The following PLXNA4 variants were observed in gnomAD, a reference collection of about 807,000 sequenced individuals.
The protein encoded by PLXNA4 is plexin A4.
In PLXNA4, 44 loss-of-function variants were observed where a neutral mutation model predicts 191.8. That is an observed-to-expected ratio of 0.23 (90% confidence interval 0.18 to 0.29). The LOEUF (loss-of-function observed/expected upper bound fraction) is 0.29. Among genes scored for constraint, PLXNA4 ranks in the 10% least tolerant of loss-of-function variants. The pLI is 1.00. For missense variants in PLXNA4, 1,800 were observed against 2,488.8 expected, an observed-to-expected ratio of 0.72 and a Z score of 5.89; for synonymous variants, 1,082 against 1,009.5, an observed-to-expected ratio of 1.07 and a Z score of -1.36.
At chr7:132,509,745 C>A (rs1187674333) in intron 1 of PLXNA4, among the ~76,000 whole-genome samples, 1 of 152,184 alleles carries the variant, frequency 6.6e-6, no homozygotes, top group African/African-American at 2.4e-5. Flanking sequence ...ACCTCCAGTT[C>A]TCTGTGTCTG....
chr7:132,535,275 C>G (rs1308968886), intron 1 of PLXNA4, among the ~76,000 whole-genome samples: 3 of 152,204 alleles, frequency 2.0e-5, no homozygotes, highest in Non-Finnish European at 4.4e-5. Context: ...AGACAATGCC[C>G]AATGGATGGG....
At chr7:132,161,663 A>C (rs1280618694) in intron 24 of PLXNA4, among the ~76,000 whole-genome samples, 35 of 151,226 alleles carry the variant, frequency 2.3e-4, no homozygotes, top group African/African-American at 8.3e-4. Flanking sequence ...GCGCATCTAG[A>C]ACTCTAGCAG....
chr7:132,324,452 G>A lies in PLXNA4; in HGVS notation c.1372-26230C>T, dbSNP rs563713689. On this transcript the variant is annotated intron_variant, in intron 3 of 31. Coordinates refer to ENST00000321063, the MANE Select transcript of PLXNA4 (RefSeq NM_020911.2). Reference sequence around the variant, plus strand: ...AATTTACCTAACAAATTTTGAGCTTGTAATACAGCTTCATTAATATGTTTA... The same window carrying A: ...AATTTACCTAACAAATTTTGAGCTTATAATACAGCTTCATTAATATGTTTA... Among the ~76,000 whole-genome samples, 6 of 152,312 alleles carry A rather than the reference G, an allele frequency of 3.9e-5. No homozygotes were observed. The East Asian group carries it at 1.2e-3, about 29-fold the overall frequency.
intron 2 of PLXNA4, among the ~76,000 whole-genome samples, chr7:132,627,279 A>G (rs1351706884): frequency 3.3e-5 from 5 of 152,150 alleles, no homozygotes; most frequent in African/African-American, 9.7e-5. Flanking sequence ...ATACCTGTCA[A>G]CTTCCTATTA....
intron 3 of PLXNA4, among the ~76,000 whole-genome samples, chr7:132,405,740 C>T (rs1331826592): frequency 6.6e-6 from 1 of 152,180 alleles, no homozygotes; most frequent in African/African-American, 2.4e-5. Context: ...TGAGGATGTG[C>T]AGAGAGCATC....
Position 132,484,679 on chromosome 7 carries a change from C to A in PLXNA4, c.1371+4613G>T, listed in dbSNP as rs1797474615. ...CAAATACATATGCCCTCTGCCCTAA[C>A]CACATGTTCCTAGTCTATTTGGTGT... is the stretch of plus-strand genomic sequence containing the variant. On this transcript the variant is annotated intron_variant, in intron 3 of 31. Coordinates refer to ENST00000321063, the MANE Select transcript of PLXNA4 (RefSeq NM_020911.2). 3.6e-6 allele frequency: 5 copies of A among 1,408,138 alleles called. No homozygotes were observed. In the Admixed American group the frequency reaches 8.8e-5, roughly 25 times the overall value. The allele number at this position is 1,408,138 out of a possible 1,614,324, so 87.2% of individuals were successfully genotyped here. A position where few individuals can be genotyped will look rare whatever the true frequency, so the allele number is the denominator to read the frequency against.
At chr7:132,547,361 C>T (rs1271694770) in intron 1 of PLXNA4, among the ~76,000 whole-genome samples, 1 of 152,236 alleles carries the variant, frequency 6.6e-6, no homozygotes, top group Non-Finnish European at 1.5e-5. Context: ...GAGTCTTTAC[C>T]TTGAAGTCTA....
At chr7:132,505,526 A>T (rs1798429033) in intron 2 of PLXNA4, among the ~76,000 whole-genome samples, 1 of 152,196 alleles carries the variant, frequency 6.6e-6, no homozygotes, top group Non-Finnish European at 1.5e-5. Flanking sequence ...CTTCTAACAT[A>T]GGCCTGCATA....
intron 3 of PLXNA4, among the ~76,000 whole-genome samples, chr7:132,444,177 G>A (rs1334574011): frequency 1.3e-5 from 2 of 152,198 alleles, no homozygotes; most frequent in Non-Finnish European, 2.9e-5. Context: ...CTTCAAATTT[G>A]GAAATTAAAC....
chr7:132,306,019 T>A (rs1801506701), intron 3 of PLXNA4, among the ~76,000 whole-genome samples: 1 of 152,002 alleles, frequency 6.6e-6, no homozygotes, highest in Non-Finnish European at 1.5e-5. Flanking sequence ...CCTGGAGGCA[T>A]ATGTCCCAGG....
chr7:132,252,165 G>A (rs933500909), intron 4 of PLXNA4, among the ~76,000 whole-genome samples: 10 of 151,952 alleles, frequency 6.6e-5, no homozygotes, highest in African/African-American at 2.4e-4. Context: ...AGACAAAGAG[G>A]GCCCTCTGGT....
intron 1 of PLXNA4, among the ~76,000 whole-genome samples, chr7:132,535,279 G>A (rs976843598): frequency 2.0e-5 from 3 of 152,214 alleles, no homozygotes; most frequent in African/African-American, 7.2e-5. Flanking sequence ...AATGCCCAAT[G>A]GATGGGGGCA....
chr7:132,245,479 T>C (rs1385487969), intron 4 of PLXNA4, among the ~76,000 whole-genome samples: 2 of 152,238 alleles, frequency 1.3e-5, no homozygotes, highest in African/African-American at 4.8e-5. Flanking sequence ...CAACATTGTC[T>C]TGGGACATCG....
chr7:132,384,240 A>G (rs1235087986), intron 3 of PLXNA4: 22 of 985,362 alleles, frequency 2.2e-5, no homozygotes, highest in Admixed American at 6.1e-5. Flanking sequence ...GTTCTTAGCA[A>G]CAGAACAAAT....
At chr7:132,640,602 G>A (rs1803722490) in intron 2 of PLXNA4, among the ~76,000 whole-genome samples, 2 of 152,218 alleles carry the variant, frequency 1.3e-5, no homozygotes, top group South Asian at 4.1e-4. Context: ...AACCACATAT[G>A]CTGGCACCTT....
chr7:132,297,283 A>G (rs1801122623), intron 4 of PLXNA4, among the ~76,000 whole-genome samples: 1 of 152,166 alleles, frequency 6.6e-6, no homozygotes, highest in African/African-American at 2.4e-5. Context: ...CAGAGGCCAC[A>G]GGGCAGAGGT....
chr7:132,344,021 C>T (rs563454128), intron 3 of PLXNA4, among the ~76,000 whole-genome samples: 1 of 152,338 alleles, frequency 6.6e-6, no homozygotes, highest in East Asian at 1.9e-4. Flanking sequence ...TGCCACCCCA[C>T]ACTCACCACG....
chr7:132,321,497 A>ACAGCAGACG (rs1354562270), intron 3 of PLXNA4, among the ~76,000 whole-genome samples: 1 of 151,970 alleles, frequency 6.6e-6, no homozygotes, highest in Non-Finnish European at 1.5e-5. Flanking sequence ...ACTCCCATAA[A>ACAGCAGACG]CAGCAGACGG....
chr7:132,635,872 G>C (rs934634263), intron 2 of PLXNA4, among the ~76,000 whole-genome samples: 3 of 152,130 alleles, frequency 2.0e-5, no homozygotes, highest in Admixed American at 6.5e-5. Flanking sequence ...TTTTCCAAGG[G>C]CCGGGTTATT....
Sources: gnomAD v4.1 joint callset for allele counts (sites outside exome capture counted in the v4.1 genomes callset) on GRCh38, gnomAD v4.1.1 for gene constraint, MANE v1.5 for transcripts, NCBI Gene and HGNC (gene_info 2026-07-23, HGNC 2026-07-21) for gene names.